RASGEF1C: variants seen among roughly 807,000 people sequenced by gnomAD.
RASGEF1C encodes the protein RasGEF domain family member 1C.
RASGEF1C carries 27 observed loss-of-function variants against 58.1 expected under a neutral mutation model. The ratio of observed to expected loss-of-function variants is 0.46; its 90% CI spans 0.34 to 0.64. The LOEUF (loss-of-function observed/expected upper bound fraction) is 0.64, where lower values mean the gene tolerates loss of function less well. RASGEF1C is among the 30% of genes least tolerant of loss of function. The pLI is 0.01. For missense variants in RASGEF1C, 502 were observed against 605.1 expected (o/e 0.83, Z 1.79); for synonymous variants, 243 against 246.3 (o/e 0.99, Z 0.13).
At chr5:180,172,190 A>G (rs551482170) in intron 1 of RASGEF1C, among the ~76,000 whole-genome samples, 1 of 152,292 alleles carries the variant, frequency 6.6e-6, no homozygotes, top group East Asian at 1.9e-4. Flanking sequence ...CCCTGTGATG[A>G]GAGCACAGTG....
intron 8 of RASGEF1C, 62 bp from the exon 9 acceptor site, chr5:180,118,928 G>A (rs766676980): frequency 6.7e-6 from 10 of 1,493,566 alleles, no homozygotes; most frequent in Non-Finnish European, 9.3e-6. Flanking sequence ...CTGCGTAGCT[G>A]CACCCCCTTG....
At chr5:180,152,918 A>G (rs1435295463) in intron 1 of RASGEF1C, among the ~76,000 whole-genome samples, 1 of 150,490 alleles carries the variant, frequency 6.6e-6, no homozygotes, top group African/African-American at 2.4e-5. Flanking sequence ...TCTCAAAAAA[A>G]AAAAAAAAAA....
intron 12 of RASGEF1C, among the ~76,000 whole-genome samples, chr5:180,110,284 C>G (rs989509032): frequency 4.6e-5 from 7 of 151,716 alleles, no homozygotes; most frequent in African/African-American, 1.7e-4. Context: ...GAGGTGGCTA[C>G]AGATAGGGGT....
At chr5:180,109,430 C>T (rs969742852) in intron 12 of RASGEF1C, among the ~76,000 whole-genome samples, 97 of 152,064 alleles carry the variant, frequency 6.4e-4, no homozygotes, top group Non-Finnish European at 1.9e-4. Context: ...TGCACTCCAG[C>T]CTGGGTGACA....
At chr5:180,161,610 G>C (rs886445274) in intron 1 of RASGEF1C, among the ~76,000 whole-genome samples, 10 of 152,238 alleles carry the variant, frequency 6.6e-5, no homozygotes, top group Non-Finnish European at 1.2e-4. Flanking sequence ...TGAGGGCGGC[G>C]CTGCAGGACG....
rs1766837295 is a variant in RASGEF1C at position 180,155,691 on chromosome 5, C to G, written c.-6-17633G>C. 6.6e-6 allele frequency among the ~76,000 whole-genome samples: 1 copy of G among 152,026 alleles called. No homozygotes were observed. The highest frequency in any genetic ancestry group is 1.5e-5 in the Non-Finnish European group (1 of 68,004). On this transcript the variant is annotated intron_variant, in intron 1 of 13. Coordinates refer to ENST00000361132, the MANE Select transcript of RASGEF1C (RefSeq NM_175062.4). This position sits in a 1 kb window ranked among gnomAD's most constrained non-coding sequence, Gnocchi z 5.2. ...AGGGCAAGTCAGCCTCTCTCCCGCT[C>G]CGTCTTCCATCCTGTCCCTTACTCT... is the stretch of plus-strand genomic sequence containing the variant.
intron 13 of RASGEF1C, 92 bp from the exon 14 acceptor site, chr5:180,101,617 T>C (rs1449753515): frequency 4.7e-6 from 7 of 1,502,614 alleles, no homozygotes; most frequent in Non-Finnish European, 5.5e-6. Flanking sequence ...CTCAGTGCGC[T>C]GAGGAGAGCC....
At position 180,135,045 on chromosome 5, in the gene RASGEF1C, A is replaced by ATC. The variant is rs71974375; in HGVS notation, c.438+1332_438+1333insGA. ...ACCCCATCCCGTTTCCGCTGTCCCCACCCCCCCCGTCCAATCATCAACTGT... is the reference window on the plus strand; with the variant it reads ...ACCCCATCCCGTTTCCGCTGTCCCCATCCCCCCCCCGTCCAATCATCAACTGT... On this transcript the variant is annotated intron_variant, in intron 4 of 13. Transcript: ENST00000361132. Among the ~76,000 whole-genome samples the ATC allele has an allele frequency of 2.6e-5, 3 of 117,248 alleles. No individual in the cohort carries two copies. The Admixed American group carries it at 2.8e-4, about 11-fold the overall frequency. 76.9% of individuals were successfully genotyped at this position (117,248 alleles called of 152,430 possible).
intron 4 of RASGEF1C, among the ~76,000 whole-genome samples, chr5:180,134,062 T>G (rs1160279704): frequency 6.6e-6 from 1 of 152,178 alleles, no homozygotes; most frequent in Admixed American, 6.5e-5. Context: ...GGGCTCAAGC[T>G]GGGTCCCAGG....
intron 1 of RASGEF1C, among the ~76,000 whole-genome samples, chr5:180,173,682 A>G (rs1246175426): frequency 6.6e-6 from 1 of 151,412 alleles, no homozygotes; most frequent in East Asian, 1.9e-4. Flanking sequence ...TGGGAGGCCA[A>G]GGTGGGCAGA....
chr5:180,114,360 G>T, intron 11 of RASGEF1C, 86 bp downstream of exon 11: 1 of 1,317,656 alleles, frequency 7.6e-7, no homozygotes, highest in Non-Finnish European at 1.1e-6. Flanking sequence ...TCCCCCATGA[G>T]GCTGGGTGTC....
chr5:180,144,740 C>T (rs1342393337), intron 1 of RASGEF1C, among the ~76,000 whole-genome samples: 3 of 152,200 alleles, frequency 2.0e-5, no homozygotes, highest in African/African-American at 7.2e-5. Flanking sequence ...GCATCACCAC[C>T]GTCCGTCCAC....
chr5:180,103,655 T>G (rs1397507187), intron 12 of RASGEF1C, among the ~76,000 whole-genome samples: 1 of 152,230 alleles, frequency 6.6e-6, no homozygotes, highest in African/African-American at 2.4e-5. Flanking sequence ...TTCTTTCTGA[T>G]TTGTGTGTTA....
At chr5:180,185,246 G>A (rs981990270) in intron 1 of RASGEF1C, among the ~76,000 whole-genome samples, 24 of 150,256 alleles carry the variant, frequency 1.6e-4, no homozygotes, top group Non-Finnish European at 2.8e-4. Context: ...GAGCGAGATC[G>A]CGCCACTGCA....
chr5:180,131,360 CCTCCCCATGTCCCCA>C (rs1159703988), intron 4 of RASGEF1C, among the ~76,000 whole-genome samples: 3 of 152,108 alleles, frequency 2.0e-5, no homozygotes, highest in African/African-American at 7.2e-5. Context: ...TCCTTCCCAC[CCTCCCCATGTCCCCA>C]CTCCCCATGT....
chr5:180,128,321 G>T, intron 5 of RASGEF1C, 89 bp downstream of exon 5: 1 of 1,220,510 alleles, frequency 8.2e-7, no homozygotes, highest in African/African-American at 1.5e-5. Context: ...CAAGCTTGTG[G>T]GGCTGCTCTG....
Position 180,121,174 on chromosome 5 carries a change from C to T in RASGEF1C, c.715-25G>A, listed in dbSNP as rs543256501. On this transcript the variant is annotated intron_variant, in intron 6 of 13. Transcript: ENST00000361132. Reference sequence around the variant, plus strand: ...GCTAGAACAAACACAGCACACGGGACCACGTTCTGAGCCTTTTTGTCTATC... The same window carrying T: ...GCTAGAACAAACACAGCACACGGGATCACGTTCTGAGCCTTTTTGTCTATC... 39 of 1,523,920 alleles carry T rather than the reference C, an allele frequency of 2.6e-5. No homozygotes were observed. The South Asian group carries it at 3.8e-4, about 15-fold the overall frequency. 94.4% of individuals were successfully genotyped at this position (1,523,920 alleles called of 1,614,324 possible). A position where few individuals can be genotyped will look rare whatever the true frequency, so the allele number is the denominator to read the frequency against.
chr5:180,138,095 G>C (rs1413287956), intron 1 of RASGEF1C, 37 bp from the exon 2 acceptor site: 2 of 1,305,374 alleles, frequency 1.5e-6, no homozygotes, highest in Middle Eastern at 2.0e-4. Context: ...CTGAGTGGGG[G>C]CACACCTGAG....
chr5:180,193,118 C>T (rs1173974726), intron 1 of RASGEF1C, among the ~76,000 whole-genome samples: 13 of 147,586 alleles, frequency 8.8e-5, no homozygotes, highest in Non-Finnish European at 1.5e-4. Flanking sequence ...TGCAGTGGCG[C>T]GATCTCGGCT....
Sources: allele counts gnomAD v4.1 joint callset (sites outside exome capture counted in the v4.1 genomes callset), GRCh38; gene constraint gnomAD v4.1.1; non-coding constraint Gnocchi (gnomAD v3.1); transcripts MANE v1.5; gene names NCBI Gene and HGNC (gene_info 2026-07-23, HGNC 2026-07-21).